The following DCBLD1 variants were observed in gnomAD, a reference collection of about 807,000 sequenced individuals.
DCBLD1 encodes discoidin, CUB and LCCL domain containing 1.
A neutral mutation model predicts 71.5 loss-of-function variants in DCBLD1; 57 were observed. The ratio of observed to expected loss-of-function variants is 0.80; its 90% confidence interval spans 0.64 to 0.99. DCBLD1 has a LOEUF of 0.99. DCBLD1 is among the 50% of genes least tolerant of loss of function. The probability of loss-of-function intolerance (pLI) is 0.00; values close to 1 mark genes in which losing one functional copy is unlikely to be tolerated. For synonymous variants in DCBLD1, 380 were observed against 363.8 expected, an observed-to-expected ratio of 1.04 and a Z score of -0.51; for missense variants, 891 against 923.5, an observed-to-expected ratio of 0.96 and a Z score of 0.46.
chr6:117,510,467 T>C (rs1405461041), intron 2 of DCBLD1, among the ~76,000 whole-genome samples: 1 of 152,184 alleles, frequency 6.6e-6, no homozygotes, highest in Admixed American at 6.6e-5. Context: ...CCCTTTTCTG[T>C]GCTCATGTTC....
chr6:117,518,532 T>G (rs1454271626), intron 2 of DCBLD1, among the ~76,000 whole-genome samples: 2 of 152,180 alleles, frequency 1.3e-5, no homozygotes, highest in African/African-American at 4.8e-5. Context: ...TCCGTTTTCA[T>G]GCTGCTGATA....
At chr6:117,552,253 T>A (rs960897154), downstream of DCBLD1, among the ~76,000 whole-genome samples, 2 of 152,224 alleles carry the variant, frequency 1.3e-5, no homozygotes, top group African/African-American at 4.8e-5. Context: ...TAAATCTACT[T>A]CTTTATTCCC....
intron 14 of DCBLD1, chr6:117,562,861 T>C (rs1583046433): frequency 9.1e-6 from 2 of 220,500 alleles, no homozygotes; most frequent in South Asian, 3.6e-4. Context: ...ATATAAAATA[T>C]GAATTCACTT....
intron 2 of DCBLD1, among the ~76,000 whole-genome samples, chr6:117,510,517 G>T (rs1277932328): frequency 6.6e-6 from 1 of 152,162 alleles, no homozygotes; most frequent in Non-Finnish European, 1.5e-5. Context: ...TTCGGGTTGG[G>T]ATAATTATTT....
chr6:117,543,310 A>T (rs1779163473), intron 12 of DCBLD1, 99 bp downstream of exon 12: 6 of 945,588 alleles, frequency 6.3e-6, no homozygotes, highest in Non-Finnish European at 1.0e-5. Flanking sequence ...CAAAAGCAGC[A>T]TGGCTTCTTT....
rs1441398209 is a variant in DCBLD1 at position 117,498,776 on chromosome 6, A to T, written c.113-4991A>T. On this transcript the variant is annotated intron_variant, in intron 1 of 14. Coordinates refer to ENST00000338728, the MANE Select transcript of DCBLD1 (RefSeq NM_001366458.2). Reference sequence around the variant, plus strand: ...TATTTTAAGGCAAATCCCAGACCTTATGTCATTTCAGCCCTGCATATGTCA... The same window carrying T: ...TATTTTAAGGCAAATCCCAGACCTTTTGTCATTTCAGCCCTGCATATGTCA... 2.6e-5 allele frequency among the ~76,000 whole-genome samples: 4 copies of T among 152,034 alleles called. No homozygotes were observed. In the South Asian group the frequency reaches 8.3e-4, roughly 32 times the overall value.
chr6:117,501,174 G>A (rs1288972475), intron 1 of DCBLD1, among the ~76,000 whole-genome samples: 1 of 152,150 alleles, frequency 6.6e-6, no homozygotes, highest in Non-Finnish European at 1.5e-5. Flanking sequence ...TTATGAGGGT[G>A]CTCAAAATAA....
chr6:117,565,735 T>C (rs1380788205), intron 14 of DCBLD1, among the ~76,000 whole-genome samples: 1 of 152,192 alleles, frequency 6.6e-6, no homozygotes, highest in Non-Finnish European at 1.5e-5. Context: ...TCACTGGCAA[T>C]AAATATTATC....
chr6:117,557,381 A>G (rs1779508088), intron 14 of DCBLD1, among the ~76,000 whole-genome samples: 1 of 152,106 alleles, frequency 6.6e-6, no homozygotes, highest in African/African-American at 2.4e-5. Flanking sequence ...TGTTCCTTTT[A>G]AACAACATAT....
chr6:117,524,875 G>A (rs866287997), intron 4 of DCBLD1, among the ~76,000 whole-genome samples: 8 of 152,100 alleles, frequency 5.3e-5, no homozygotes, highest in Admixed American at 2.6e-4. Context: ...CTATCAGACA[G>A]TGCTAATATT....
chr6:117,538,646 C>A lies in DCBLD1; in HGVS notation c.787C>A (p.Pro263Thr), dbSNP rs1778980816. The change falls in exon 8 of 15, where the codon CCT becomes ACT. Residue 263 changes from proline to threonine, a missense_variant. Coordinates refer to ENST00000338728, the MANE Select transcript of DCBLD1 (RefSeq NM_001366458.2). ...NGCSRSLSFE[P>T]DGQIRASSSW... ...TTGCAGCAGATCCTTGAGTTTTGAA[C>A]CTGACGGGCAAATCAGAGCTTCTTC... The A allele has an allele frequency of 1.2e-6, 2 of 1,613,960 alleles. No individual in the cohort carries two copies. The highest frequency in any genetic ancestry group is 2.2e-5 in the South Asian group (2 of 91,072).
intron 2 of DCBLD1, among the ~76,000 whole-genome samples, chr6:117,511,224 G>A (rs1582989336): frequency 6.6e-6 from 1 of 152,310 alleles, no homozygotes; most frequent in East Asian, 1.9e-4. Flanking sequence ...ACTTCTCCAG[G>A]CCTCTCCACA....
chr6:117,503,151 C>T (rs1777718707), intron 1 of DCBLD1, among the ~76,000 whole-genome samples: 1 of 148,212 alleles, frequency 6.7e-6, no homozygotes, highest in African/African-American at 2.6e-5. Flanking sequence ...TTATGAAAAG[C>T]ACTCAACATA....
At chr6:117,527,554 C>G (rs1778583522) in intron 5 of DCBLD1, among the ~76,000 whole-genome samples, 1 of 152,146 alleles carries the variant, frequency 6.6e-6, no homozygotes, top group Non-Finnish European at 1.5e-5. Flanking sequence ...TTGGTTTATT[C>G]TGTGTTGCTC....
At chr6:117,543,051 G>A in intron 11 of DCBLD1, 73 bp from the exon 12 acceptor site, 1 of 1,259,946 alleles carries the variant, frequency 7.9e-7, no homozygotes, top group Non-Finnish European at 1.2e-6. Flanking sequence ...TCAATTCCAT[G>A]TTCAGTTTTA....
chr6:117,507,597 G>A (rs1347169184), intron 2 of DCBLD1, among the ~76,000 whole-genome samples: 1 of 152,114 alleles, frequency 6.6e-6, no homozygotes, highest in East Asian at 1.9e-4. Context: ...GGGAATTCTA[G>A]GTTTTTGTTT....
At chr6:117,561,514 G>A (rs1718604797) in intron 14 of DCBLD1, 1 of 216,916 alleles carries the variant, frequency 4.6e-6, no homozygotes, top group East Asian at 6.8e-5. Context: ...CTAAAATCCA[G>A]TTTGCAGATC....
intron 7 of DCBLD1, 87 bp downstream of exon 7, chr6:117,537,312 A>G: frequency 8.0e-7 from 1 of 1,249,810 alleles, no homozygotes; most frequent in Non-Finnish European, 1.2e-6. Context: ...AGGCAGGCGG[A>G]TCATGAGGTC....
At chr6:117,498,920 T>C (rs978975168) in intron 1 of DCBLD1, among the ~76,000 whole-genome samples, 5 of 152,202 alleles carry the variant, frequency 3.3e-5, no homozygotes, top group Non-Finnish European at 7.3e-5. Flanking sequence ...TAAAAGATTT[T>C]ATAAGGTTGG....
Sources: gnomAD v4.1 joint callset for allele counts (sites outside exome capture counted in the v4.1 genomes callset) on GRCh38, gnomAD v4.1.1 for gene constraint, MANE v1.5 for transcripts, NCBI Gene and HGNC (gene_info 2026-07-23, HGNC 2026-07-21) for gene names.